Variants in SGTB observed in about 807,000 individuals in gnomAD.
SGTB encodes small glutamine-rich tetratricopeptide repeat-containing protein beta.
SGTB carries 19 observed loss-of-function variants against 43.9 expected under a neutral mutation model. The observed-to-expected ratio is 0.43, with a 90% CI of 0.30 to 0.63. The LOEUF is 0.63. Ranked by LOEUF, SGTB falls within the 30% of genes least tolerant of loss-of-function variation. The pLI is 0.12. For synonymous variants in SGTB, 116 were observed against 117.3 expected, an observed-to-expected ratio of 0.99 and a Z score of 0.07; for missense variants, 304 against 358.9, an observed-to-expected ratio of 0.85 and a Z score of 1.24.
chr5:65,667,605 AACTATATATCTT>A lies in SGTB; in HGVS notation c.*2629_*2640del, dbSNP rs1018787596. ...ATTGTGCTCTTTTTAAATTCTGCAG[AACTATATATCTT>A]CATACAGATCTTCGTTGTAGCTTTG... On this transcript the variant is annotated 3_prime_UTR_variant, in exon 11 of 11. Coordinates refer to ENST00000381007, the MANE Select transcript of SGTB (RefSeq NM_019072.3). 4.1e-5 allele frequency: 6 copies of A among 147,950 alleles called. No individual in the cohort carries two copies. The highest frequency in any genetic ancestry group is 2.7e-4 in the Admixed American group (4 of 14,668). 9.2% of individuals were successfully genotyped at this position (147,950 alleles called of 1,614,324 possible).
chr5:65,668,694 TTGC>T lies in SGTB; in HGVS notation c.*1549_*1551del, dbSNP rs1183767337. 1 of 150,820 alleles carries T rather than the reference TTGC, an allele frequency of 6.6e-6. No homozygotes were observed. The highest frequency in any genetic ancestry group is 6.6e-5 in the Admixed American group (1 of 15,130). 9.3% of individuals were successfully genotyped at this position (150,820 alleles called of 1,614,324 possible). On this transcript the variant is annotated 3_prime_UTR_variant, in exon 11 of 11. Coordinates refer to ENST00000381007, the MANE Select transcript of SGTB (RefSeq NM_019072.3). ...AGGCAGAGGTTGCAGTGAGCCGCGA[TTGC>T]GCCACTGCACTCCAGCCTGGCGACA...
chr5:65,683,878 A>G (rs138964118), intron 6 of SGTB, among the ~76,000 whole-genome samples: 5,943 of 151,750 alleles, frequency 0.039, 391 homozygotes, highest in African/African-American at 0.13. Context: ...CCCAGGAGGC[A>G]AAGCTTGCAG....
Position 65,667,535 on chromosome 5 carries a change from G to T in SGTB, c.*2711C>A, listed in dbSNP as rs1246384474. 2 of 152,176 alleles carry T rather than the reference G, an allele frequency of 1.3e-5. No homozygotes were observed. Among genetic ancestry groups the T allele is most frequent in the Non-Finnish European group, 2.9e-5 (2 of 68,028 alleles). The allele number at this position is 152,176 out of a possible 1,614,324, so 9.4% of individuals were successfully genotyped here. ...TCTAACTTAATGAAAATCAAAGTTG[G>T]CTTAGATGGAATATGAATTTAACTT... On this transcript the variant is annotated 3_prime_UTR_variant, in exon 11 of 11. Transcript: ENST00000381007.
chr5:65,683,347 A>G (rs904579781), intron 6 of SGTB, among the ~76,000 whole-genome samples: 4 of 152,236 alleles, frequency 2.6e-5, no homozygotes, highest in African/African-American at 9.6e-5. Context: ...TTGTGCATGT[A>G]CATGAATGAC....
rs1292834675 is a variant in SGTB at position 65,704,329 on chromosome 5, G to A, written c.324C>T (p.Tyr108=). ...EENYAAAVDC[Y]TQAIELDPNN... ...TGGGATCCAATTCTATTGCCTGTGTGTAACAATCCACTGCAGCAGCATAAT... is the reference window on the plus strand; with the variant it reads ...TGGGATCCAATTCTATTGCCTGTGTATAACAATCCACTGCAGCAGCATAAT... Residue 108 remains tyrosine, a synonymous_variant, in exon 5 of 11, where the codon TAC becomes TAT. Transcript: ENST00000381007. 1 of 1,612,800 alleles carries A rather than the reference G, an allele frequency of 6.2e-7. No homozygotes were observed.
intron 8 of SGTB, among the ~76,000 whole-genome samples, chr5:65,679,311 A>G (rs1757346053): frequency 6.6e-6 from 1 of 152,218 alleles, no homozygotes; most frequent in Admixed American, 6.5e-5. Context: ...CACACAAGTC[A>G]GAACAACTAT....
intron 6 of SGTB, 59 bp from the exon 7 acceptor site, chr5:65,680,853 C>A: frequency 1.3e-6 from 2 of 1,493,016 alleles, no homozygotes; most frequent in Non-Finnish European, 1.8e-6. Flanking sequence ...CAGGACATCA[C>A]AAACATCGTC....
At chr5:65,701,545 A>G (rs914979069) in intron 5 of SGTB, among the ~76,000 whole-genome samples, 13 of 152,234 alleles carry the variant, frequency 8.5e-5, no homozygotes, top group African/African-American at 2.4e-4. Context: ...CAAATAAGAC[A>G]CACGGATTTT....
rs139492741 is a variant in SGTB, at chr5:65,690,142, G to T, written c.375-4670C>A. Among the ~76,000 whole-genome samples, 1,265 of 152,200 alleles carry T rather than the reference G, an allele frequency of 8.3e-3. 11 individuals carry two copies. Among genetic ancestry groups the T allele is most frequent in the Non-Finnish European group, 0.011 (778 of 68,002 alleles). On this transcript the variant is annotated intron_variant, in intron 5 of 10. Transcript: ENST00000381007. Reference sequence around the variant, plus strand: ...GGAGAGAAGAAGCAGCCAAGAAAAAGGATGCTTAAAAAGAGCCAGGTGCAG... The same window carrying T: ...GGAGAGAAGAAGCAGCCAAGAAAAATGATGCTTAAAAAGAGCCAGGTGCAG...
intron 8 of SGTB, among the ~76,000 whole-genome samples, chr5:65,676,011 G>C (rs939208363): frequency 6.6e-6 from 1 of 152,030 alleles, no homozygotes; most frequent in Non-Finnish European, 1.5e-5. Flanking sequence ...ATGTAAATGG[G>C]CTAAATGCCC....
intron 5 of SGTB, among the ~76,000 whole-genome samples, chr5:65,691,620 T>C (rs902121405): frequency 4.1e-5 from 6 of 146,852 alleles, no homozygotes; most frequent in African/African-American, 1.5e-4. Flanking sequence ...TGAGCCACTG[T>C]GCCTGGCTAA....
chr5:65,703,477 A>G (rs929590063), intron 5 of SGTB, among the ~76,000 whole-genome samples: 37 of 152,304 alleles, frequency 2.4e-4, no homozygotes, highest in African/African-American at 8.7e-4. Flanking sequence ...AGGCCAAGGC[A>G]GGTGGATCAC....
chr5:65,688,484 C>A lies in SGTB; in HGVS notation c.375-3012G>T, dbSNP rs565873218. On this transcript the variant is annotated intron_variant, in intron 5 of 10. Transcript: ENST00000381007. ...GAAACATGCAAGAAGGGTAAAAGGGCTCATGGGAGGATGGAGAGAGAAAAT... is the reference window on the plus strand; with the variant it reads ...GAAACATGCAAGAAGGGTAAAAGGGATCATGGGAGGATGGAGAGAGAAAAT... 2.8e-3 allele frequency among the ~76,000 whole-genome samples: 429 copies of A among 152,242 alleles called. 4 individuals carry two copies. The highest frequency in any genetic ancestry group is 9.3e-3 in the African/African-American group (388 of 41,536).
chr5:65,691,538 G>A lies in SGTB; in HGVS notation c.375-6066C>T, dbSNP rs1428578785. Among the ~76,000 whole-genome samples, 4 of 151,852 alleles carry A rather than the reference G, an allele frequency of 2.6e-5. No individual in the cohort carries two copies. The East Asian group carries it at 5.9e-4, about 22-fold the overall frequency. Reference sequence around the variant, plus strand: ...GACAGGTGTTTCACCATATTGGCCAGGCTGGTCTCAAACTCCTGACCTCAA... The same window carrying A: ...GACAGGTGTTTCACCATATTGGCCAAGCTGGTCTCAAACTCCTGACCTCAA... On this transcript the variant is annotated intron_variant, in intron 5 of 10. Coordinates refer to ENST00000381007, the MANE Select transcript of SGTB (RefSeq NM_019072.3).
intron 6 of SGTB, among the ~76,000 whole-genome samples, chr5:65,683,274 T>TA (rs1757434077): frequency 6.6e-6 from 1 of 152,060 alleles, no homozygotes; most frequent in African/African-American, 2.4e-5. Flanking sequence ...AACAAAAAGA[T>TA]AGAGCATCAC....
At chr5:65,700,615 A>G (rs1187754669) in intron 5 of SGTB, among the ~76,000 whole-genome samples, 1 of 148,808 alleles carries the variant, frequency 6.7e-6, no homozygotes, top group Non-Finnish European at 1.5e-5. Context: ...CGGGAGGCGG[A>G]GCTTGCAGTG....
rs1377101898 is a variant in SGTB, at chr5:65,667,949, T to TTTCC, written c.*2296_*2297insGGAA. On this transcript the variant is annotated 3_prime_UTR_variant, in exon 11 of 11. Transcript: ENST00000381007. ...CAAAATAATTAGTCTCTTAGTCTCT[T>TTTCC]TTTCTTTTTTTTTTTTTTTTTGAAA... 2 of 134,880 alleles carry TTTCC rather than the reference T, an allele frequency of 1.5e-5. No individual in the cohort carries two copies. Among genetic ancestry groups the TTTCC allele is most frequent in the Non-Finnish European group, 3.3e-5 (2 of 60,076 alleles). The allele number at this position is 134,880 out of a possible 1,614,324, so 8.4% of individuals were successfully genotyped here. A position where few individuals can be genotyped will look rare whatever the true frequency, so the allele number is the denominator to read the frequency against.
At chr5:65,675,143 G>GT (rs1202213093) in intron 8 of SGTB, among the ~76,000 whole-genome samples, 14 of 152,266 alleles carry the variant, frequency 9.2e-5, no homozygotes, top group African/African-American at 3.1e-4. Flanking sequence ...CTAAATCAAA[G>GT]TTACCACATA....
chr5:65,709,853 G>A (rs928947983), intron 3 of SGTB, among the ~76,000 whole-genome samples: 8 of 152,090 alleles, frequency 5.3e-5, no homozygotes, highest in African/African-American at 1.7e-4. Context: ...TCCCACGTTG[G>A]CTTCCCAAAG....
Sources: gnomAD v4.1 joint callset for allele counts (sites outside exome capture counted in the v4.1 genomes callset) on GRCh38, gnomAD v4.1.1 for gene constraint, MANE v1.5 for transcripts, NCBI Gene and HGNC (gene_info 2026-07-23, HGNC 2026-07-21) for gene names.